Variants in CARMIL1 observed in about 807,000 individuals in gnomAD.
The protein encoded by CARMIL1 is capping protein regulator and myosin 1 linker 1.
In CARMIL1, 90 loss-of-function variants were observed where a neutral mutation model predicts 177.1. The ratio of observed to expected loss-of-function variants is 0.51; its 90% CI spans 0.43 to 0.61. CARMIL1 has a LOEUF of 0.61. Among genes scored for constraint, CARMIL1 ranks in the 20% least tolerant of loss-of-function variants. CARMIL1 has a pLI of 0.00. For synonymous variants in CARMIL1, 577 were observed against 606.2 expected (o/e 0.95, Z 0.71); for missense variants, 1,380 against 1,667.0 (o/e 0.83, Z 3.00).
At chr6:25,374,437 G>GTATCAA (rs1790776188) in intron 2 of CARMIL1, among the ~76,000 whole-genome samples, 1 of 152,088 alleles carries the variant, frequency 6.6e-6, no homozygotes, top group Non-Finnish European at 1.5e-5. Flanking sequence ...CTTGTTTTGT[G>GTATCAA]GCCTATCATA....
chr6:25,420,863 G>A (rs1035123782), intron 3 of CARMIL1, among the ~76,000 whole-genome samples: 2 of 152,096 alleles, frequency 1.3e-5, no homozygotes, highest in African/African-American at 4.8e-5. Context: ...ATATGATATT[G>A]ACTGAATGGT....
At chr6:25,350,791 A>G (rs1788036806) in intron 2 of CARMIL1, 1 of 152,180 alleles carries the variant, frequency 6.6e-6, no homozygotes, top group Non-Finnish European at 1.5e-5. Context: ...CTCTCCCTGG[A>G]TGTGCTGTCA....
intron 36 of CARMIL1, among the ~76,000 whole-genome samples, chr6:25,616,004 C>G (rs1321252): frequency 0.28 from 43,237 of 152,112 alleles, 6,216 homozygotes; most frequent in Non-Finnish European, 0.3. Flanking sequence ...TAGACAGGGT[C>G]TGTATATACA....
intron 16 of CARMIL1, among the ~76,000 whole-genome samples, chr6:25,497,272 T>C (rs959827273): frequency 1.3e-5 from 2 of 152,174 alleles, no homozygotes; most frequent in Admixed American, 1.3e-4. Context: ...GCTGGGTGCT[T>C]ACATATGGCC....
chr6:25,338,358 C>T (rs2690084), intron 2 of CARMIL1, among the ~76,000 whole-genome samples: 64,995 of 151,696 alleles, frequency 0.43, 14,092 homozygotes, highest in African/African-American at 0.51. Flanking sequence ...GTACAATGCT[C>T]CACTTGCTAT....
chr6:25,328,088 A>G lies in CARMIL1; in HGVS notation c.138+43179A>G, dbSNP rs530462559. Among the ~76,000 whole-genome samples, 9 of 152,300 alleles carry G rather than the reference A, an allele frequency of 5.9e-5. No individual in the cohort carries two copies. The South Asian group carries it at 1.7e-3, about 28-fold the overall frequency. On this transcript the variant is annotated intron_variant, in intron 2 of 36. Transcript: ENST00000329474. ...CTCTGACGTAGGTGGTATTTCCCTC[A>G]TTAGTAGATAAGGAAATGAGCTAGT...
chr6:25,517,259 ACACTG>A (rs568442427), intron 21 of CARMIL1, 83 bp from the exon 22 acceptor site: 51 of 910,006 alleles, frequency 5.6e-5, no homozygotes, highest in Non-Finnish European at 9.2e-5. Flanking sequence ...AAATATCTAC[ACACTG>A]CTGTCTATAA....
chr6:25,291,022 G>C (rs1248139061), intron 2 of CARMIL1, among the ~76,000 whole-genome samples: 2 of 151,992 alleles, frequency 1.3e-5, no homozygotes, highest in African/African-American at 4.8e-5. Flanking sequence ...ATTTTGCCCA[G>C]GCTGGTCTTG....
chr6:25,493,356 G>T (rs573389696), intron 15 of CARMIL1, among the ~76,000 whole-genome samples: 1 of 152,178 alleles, frequency 6.6e-6, no homozygotes, highest in African/African-American at 2.4e-5. Flanking sequence ...CTGCATTTAC[G>T]TTGAGGTGTG....
intron 2 of CARMIL1, among the ~76,000 whole-genome samples, chr6:25,289,937 G>A (rs1219516131): frequency 1.3e-5 from 2 of 151,126 alleles, no homozygotes; most frequent in Non-Finnish European, 2.9e-5. Flanking sequence ...TGTGATAAAT[G>A]CCAAGGAGTG....
At chr6:25,588,265 A>G (rs1177910025) in intron 31 of CARMIL1, among the ~76,000 whole-genome samples, 3 of 152,208 alleles carry the variant, frequency 2.0e-5, no homozygotes, top group Non-Finnish European at 4.4e-5. Context: ...ACTAGCTACT[A>G]TATGAGATAA....
chr6:25,409,964 T>C (rs1204291360), intron 2 of CARMIL1, among the ~76,000 whole-genome samples: 1 of 152,218 alleles, frequency 6.6e-6, no homozygotes, highest in African/African-American at 2.4e-5. Flanking sequence ...CTTAATTTCT[T>C]GATAGGATTA....
intron 3 of CARMIL1, 126 bp downstream of exon 3, chr6:25,420,290 C>A: frequency 2.3e-6 from 2 of 872,370 alleles, no homozygotes; most frequent in Non-Finnish European, 3.9e-6. Flanking sequence ...AACACACACA[C>A]ACCTCACTTA....
intron 2 of CARMIL1, among the ~76,000 whole-genome samples, chr6:25,312,992 G>T (rs910106221): frequency 6.6e-6 from 1 of 151,360 alleles, no homozygotes; most frequent in Non-Finnish European, 1.5e-5. Context: ...GTTGTAAAAA[G>T]CTTTTATCAA....
chr6:25,609,235 G>A (rs1816280558), intron 35 of CARMIL1, among the ~76,000 whole-genome samples: 1 of 152,052 alleles, frequency 6.6e-6, no homozygotes, highest in African/African-American at 2.4e-5. Context: ...GGGAGGCTGA[G>A]GCGGGTGGAT....
At chr6:25,410,799 C>T (rs6456680) in intron 2 of CARMIL1, among the ~76,000 whole-genome samples, 54,194 of 152,042 alleles carry the variant, frequency 0.36, 10,330 homozygotes, top group African/African-American at 0.47. Context: ...ACTCAATTTC[C>T]TTTAAGTAAA....
rs371247457 is a variant in CARMIL1, at chr6:25,283,616, C to T, written c.41-1196C>T. Among the ~76,000 whole-genome samples the T allele has an allele frequency of 5.9e-5, 9 of 152,308 alleles. No homozygotes were observed. In the South Asian group the frequency reaches 1.0e-3, roughly 18 times the overall value. ...GTCTCCAGATTTCTCCTTCTATTGC[C>T]TTTGACCACTTCTTGGGGGTATTGT... On this transcript the variant is annotated intron_variant, in intron 1 of 36. Coordinates refer to ENST00000329474, the MANE Select transcript of CARMIL1 (RefSeq NM_017640.6).
At chr6:25,429,319 G>A (rs765945315) in intron 4 of CARMIL1, among the ~76,000 whole-genome samples, 19 of 152,274 alleles carry the variant, frequency 1.2e-4, no homozygotes, top group East Asian at 9.6e-4. Context: ...TGAGGGCAGG[G>A]GAATCTATCC....
intron 3 of CARMIL1, among the ~76,000 whole-genome samples, chr6:25,422,502 T>C (rs1053874772): frequency 3.3e-5 from 5 of 152,186 alleles, no homozygotes; most frequent in Non-Finnish European, 5.9e-5. Context: ...ATGTTAACTT[T>C]TATAAAGTTT....
Sources: allele counts gnomAD v4.1 joint callset (sites outside exome capture counted in the v4.1 genomes callset), GRCh38; gene constraint gnomAD v4.1.1; transcripts MANE v1.5; gene names NCBI Gene and HGNC (gene_info 2026-07-23, HGNC 2026-07-21).